Variants in CEP192 observed in about 807,000 individuals in gnomAD.
The protein encoded by CEP192 is centrosomal protein of 192 kDa.
Under a neutral mutation model 271.8 loss-of-function variants are expected in CEP192, and 151 were observed. The observed-to-expected ratio is 0.56, with a 90% CI of 0.49 to 0.64. The LOEUF is 0.64. Among genes scored for constraint, CEP192 ranks in the 30% least tolerant of loss-of-function variants. CEP192 has a pLI of 0.00. For synonymous variants in CEP192, 995 were observed against 1,076.5 expected (o/e 0.92, Z 1.48); for missense variants, 2,910 against 3,020.5 (o/e 0.96, Z 0.86).
At chr18:13,105,326 TA>T (rs2039900992) in intron 40 of CEP192, among the ~76,000 whole-genome samples, 1 of 152,230 alleles carries the variant, frequency 6.6e-6, no homozygotes, top group African/African-American at 2.4e-5. Flanking sequence ...CTTACAGTCA[TA>T]CTGCACTGAT....
At chr18:13,063,956 G>A (rs1460915512) in intron 21 of CEP192, among the ~76,000 whole-genome samples, 2 of 151,694 alleles carry the variant, frequency 1.3e-5, no homozygotes, top group East Asian at 1.9e-4. Context: ...GAGTAGCTGG[G>A]ATTACAGGCA....
rs1432497831 is a variant in CEP192 at position 13,017,133 on chromosome 18, A to G, written c.641-55A>G. On this transcript the variant is annotated intron_variant, in intron 6 of 44. Transcript: ENST00000506447. ...TTATCGGCCTTTTTAATTACAAATT[A>G]TTGCTTAGTCACTACTTTAAAGCAT... is the stretch of plus-strand genomic sequence containing the variant. 8.0e-5 allele frequency: 110 copies of G among 1,376,898 alleles called. 2 individuals carry two copies. In the South Asian group the frequency reaches 1.4e-3, roughly 17 times the overall value. The allele number at this position is 1,376,898 out of a possible 1,614,324, so 85.3% of individuals were successfully genotyped here. A position where few individuals can be genotyped will look rare whatever the true frequency, so the allele number is the denominator to read the frequency against.
At chr18:13,001,906 C>T (rs1213436371) in intron 3 of CEP192, among the ~76,000 whole-genome samples, 1 of 152,146 alleles carries the variant, frequency 6.6e-6, no homozygotes, top group African/African-American at 2.4e-5. Context: ...GGGGTTTCAC[C>T]ACATTGGCCA....
intron 37 of CEP192, among the ~76,000 whole-genome samples, chr18:13,099,886 G>A (rs2039625069): frequency 6.6e-6 from 1 of 152,184 alleles, no homozygotes; most frequent in African/African-American, 2.4e-5. Flanking sequence ...TGCAAATACT[G>A]TGTCACTTTA....
rs369397213 is a variant in CEP192 at position 13,045,688 on chromosome 18, T to C, written c.2068-3171T>C. Among the ~76,000 whole-genome samples, 5 of 152,348 alleles carry C rather than the reference T, an allele frequency of 3.3e-5. No individual in the cohort carries two copies. The East Asian group carries it at 9.6e-4, about 29-fold the overall frequency. On this transcript the variant is annotated intron_variant, in intron 15 of 44. Coordinates refer to ENST00000506447, the MANE Select transcript of CEP192 (RefSeq NM_032142.4). ...GCTTTAAACATTTGAAGCTATATTTTTAGGTGCATACAAATTGTGCATAAA... is the reference window on the plus strand; with the variant it reads ...GCTTTAAACATTTGAAGCTATATTTCTAGGTGCATACAAATTGTGCATAAA...
chr18:13,069,966 G>C (rs1415533878), intron 27 of CEP192, 110 bp downstream of exon 27: 1 of 631,950 alleles, frequency 1.6e-6, no homozygotes, highest in Non-Finnish European at 2.8e-6. Flanking sequence ...TTCGAGACCA[G>C]CTTGGGCAAC....
intron 1 of CEP192, among the ~76,000 whole-genome samples, chr18:12,995,299 C>T (rs780121193): frequency 6.6e-6 from 1 of 151,906 alleles, no homozygotes; most frequent in Non-Finnish European, 1.5e-5. Flanking sequence ...CTCCTGACCT[C>T]GTGATCCGCC....
At chr18:13,036,826 C>T (rs780139036) in intron 11 of CEP192, among the ~76,000 whole-genome samples, 9 of 152,166 alleles carry the variant, frequency 5.9e-5, no homozygotes, top group African/African-American at 9.7e-5. Flanking sequence ...GGGGGGCAAG[C>T]GGTCCTGGGG....
intron 3 of CEP192, among the ~76,000 whole-genome samples, chr18:13,003,434 G>A (rs907877716): frequency 5.2e-5 from 7 of 135,496 alleles, no homozygotes; most frequent in Non-Finnish European, 9.2e-5. Flanking sequence ...GGGCAACAGA[G>A]TGAGACTCTG....
chr18:13,106,029 C>T (rs751616523), intron 40 of CEP192, among the ~76,000 whole-genome samples: 7 of 152,102 alleles, frequency 4.6e-5, no homozygotes, highest in East Asian at 1.9e-4. Context: ...AAACTGCCAA[C>T]GTCATTTTTC....
chr18:13,095,723 G>A (rs374284136), intron 35 of CEP192, 42 bp downstream of exon 35: 54 of 1,557,582 alleles, frequency 3.5e-5, no homozygotes, highest in Middle Eastern at 1.7e-4. Context: ...GTGTTCCGGC[G>A]TCCGGGCCTG....
At chr18:13,097,689 C>A (rs1598593699) in intron 36 of CEP192, among the ~76,000 whole-genome samples, 1 of 140,626 alleles carries the variant, frequency 7.1e-6, no homozygotes, top group East Asian at 2.0e-4. Context: ...GTGTTTCTCG[C>A]AGAGGGGGAT....
intron 4 of CEP192, among the ~76,000 whole-genome samples, chr18:13,010,507 T>G (rs2034276518): frequency 6.6e-6 from 1 of 152,122 alleles, no homozygotes; most frequent in Non-Finnish European, 1.5e-5. Context: ...ATGAATTGGA[T>G]TTCAGAATTA....
rs147631338 is a variant in CEP192 at position 13,108,375 on chromosome 18, A to G, written c.7047+3296A>G. On this transcript the variant is annotated intron_variant, in intron 40 of 44. Transcript: ENST00000506447. ...CAACAGAGTAAACAGACAACCTACA[A>G]AAGAGGAGAAAACATTCACAAACTA... 5.8e-3 allele frequency among the ~76,000 whole-genome samples: 889 copies of G among 152,296 alleles called. 13 individuals are homozygous for G. Among genetic ancestry groups the G allele is most frequent in the African/African-American group, 0.02 (832 of 41,564 alleles).
intron 3 of CEP192, among the ~76,000 whole-genome samples, chr18:13,007,078 C>T (rs149655618): frequency 3.3e-5 from 5 of 152,272 alleles, no homozygotes; most frequent in African/African-American, 1.2e-4. Context: ...TTCTCCCTGG[C>T]AGATTTGTTT....
At chr18:12,994,154 G>C (rs2145730998) in intron 1 of CEP192, among the ~76,000 whole-genome samples, 1 of 152,282 alleles carries the variant, frequency 6.6e-6, no homozygotes, top group East Asian at 1.9e-4. Flanking sequence ...CCTGCTCTTA[G>C]GGAGAAATTA....
chr18:13,044,968 A>T lies in CEP192; in HGVS notation c.2067+2634A>T, dbSNP rs933240634. ...GTTGTAGTACTATTCTGATGTTTTAATTTTTTATGTCAGTTTTAGTACATT... is the reference window on the plus strand; with the variant it reads ...GTTGTAGTACTATTCTGATGTTTTATTTTTTTATGTCAGTTTTAGTACATT... On this transcript the variant is annotated intron_variant, in intron 15 of 44. Coordinates refer to ENST00000506447, the MANE Select transcript of CEP192 (RefSeq NM_032142.4). 2.0e-5 allele frequency among the ~76,000 whole-genome samples: 3 copies of T among 152,016 alleles called. No individual in the cohort carries two copies. The East Asian group carries it at 5.8e-4, about 29-fold the overall frequency.
intron 36 of CEP192, among the ~76,000 whole-genome samples, chr18:13,097,696 G>A (rs1175589065): frequency 3.4e-5 from 5 of 147,564 alleles, no homozygotes; most frequent in Admixed American, 3.4e-4. Context: ...TCGCAGAGGG[G>A]GATTTGGCAG....
chr18:13,033,898 TACTG>T (rs1409829079), intron 11 of CEP192, among the ~76,000 whole-genome samples: 15 of 152,300 alleles, frequency 9.8e-5, no homozygotes, highest in Admixed American at 2.6e-4. Flanking sequence ...TAAAACAAGA[TACTG>T]ACTACAGGAA....
Sources: allele counts gnomAD v4.1 joint callset (sites outside exome capture counted in the v4.1 genomes callset), GRCh38; gene constraint gnomAD v4.1.1; transcripts MANE v1.5; gene names NCBI Gene and HGNC (gene_info 2026-07-23, HGNC 2026-07-21).